Variants in ENOX1 observed in about 807,000 individuals in gnomAD.
ENOX1 encodes ecto-NOX disulfide-thiol exchanger 1, also known as candidate growth-related and time keeping constitutive hydroquinone (NADH) oxidase.
In ENOX1, 42 loss-of-function variants were observed where a neutral mutation model predicts 82.5. The observed-to-expected ratio is 0.51, with a 90% CI of 0.40 to 0.66. The LOEUF (loss-of-function observed/expected upper bound fraction) is 0.66, where lower values mean the gene tolerates loss of function less well. ENOX1 is among the 30% of genes least tolerant of loss of function. The pLI is 0.00. For synonymous variants in ENOX1, 271 were observed against 282.2 expected (o/e 0.96, Z 0.40); for missense variants, 608 against 811.6 (o/e 0.75, Z 3.05).
chr13:43,300,717 G>T (rs1360601081), intron 11 of ENOX1, among the ~76,000 whole-genome samples: 1 of 152,216 alleles, frequency 6.6e-6, no homozygotes, highest in Admixed American at 6.5e-5. Flanking sequence ...ACAGCGCTTG[G>T]AGTAGTGGAA....
chr13:43,744,766 T>C (rs1475149430), intron 1 of ENOX1, among the ~76,000 whole-genome samples: 1 of 152,204 alleles, frequency 6.6e-6, no homozygotes, highest in Non-Finnish European at 1.5e-5. Flanking sequence ...TTGCCAACAG[T>C]ACTATAGGGG....
chr13:43,362,172 C>CAA (rs1238069320), intron 5 of ENOX1, among the ~76,000 whole-genome samples: 7 of 150,550 alleles, frequency 4.6e-5, no homozygotes, highest in Admixed American at 1.3e-4. Flanking sequence ...CACACACACA[C>CAA]ACACACACAC....
chr13:43,636,069 AAG>A (rs1235843758), intron 2 of ENOX1, among the ~76,000 whole-genome samples: 1 of 152,112 alleles, frequency 6.6e-6, no homozygotes, highest in African/African-American at 2.4e-5. Context: ...CCAAATAACT[AAG>A]AGAGTTCTGT....
At chr13:43,467,446 T>A (rs2057780741) in intron 3 of ENOX1, among the ~76,000 whole-genome samples, 1 of 152,204 alleles carries the variant, frequency 6.6e-6, no homozygotes, top group Non-Finnish European at 1.5e-5. Context: ...GGGCTAATAA[T>A]GTTGGGCATT....
intron 11 of ENOX1, among the ~76,000 whole-genome samples, chr13:43,300,668 A>T (rs544552104): frequency 2.6e-5 from 4 of 152,312 alleles, no homozygotes; most frequent in Admixed American, 2.6e-4. Context: ...GAAGATGGGG[A>T]AGGTTAGGTT....
chr13:43,711,410 A>T (rs1176181261), intron 1 of ENOX1, among the ~76,000 whole-genome samples: 3 of 152,294 alleles, frequency 2.0e-5, no homozygotes, highest in Non-Finnish European at 2.9e-5. Flanking sequence ...TAGCAGCAAG[A>T]TGTATAATCC....
intron 5 of ENOX1, among the ~76,000 whole-genome samples, chr13:43,373,589 TACACAC>T (rs1480793349): frequency 2.0e-5 from 3 of 152,160 alleles, no homozygotes; most frequent in African/African-American, 7.2e-5. Flanking sequence ...CACATACACA[TACACAC>T]ACGTGTGCAT....
At chr13:43,713,558 TG>T (rs932894231) in intron 1 of ENOX1, among the ~76,000 whole-genome samples, 5 of 152,206 alleles carry the variant, frequency 3.3e-5, no homozygotes, top group Non-Finnish European at 5.9e-5. Context: ...TCTTTTTGGT[TG>T]GCAAGCTATT....
At chr13:43,287,606 T>C (rs1474379303) in intron 12 of ENOX1, among the ~76,000 whole-genome samples, 1 of 152,168 alleles carries the variant, frequency 6.6e-6, no homozygotes, top group Non-Finnish European at 1.5e-5. Flanking sequence ...TTCATGCCCT[T>C]AGGTGGCATC....
intron 2 of ENOX1, among the ~76,000 whole-genome samples, chr13:43,649,927 G>C (rs2084078671): frequency 6.6e-6 from 1 of 152,164 alleles, no homozygotes; most frequent in Admixed American, 6.5e-5. Flanking sequence ...AGGATTCCCT[G>C]ACAGTCAGAC....
At chr13:43,611,634 A>T (rs1422070230) in intron 2 of ENOX1, among the ~76,000 whole-genome samples, 3 of 152,220 alleles carry the variant, frequency 2.0e-5, no homozygotes, top group African/African-American at 7.2e-5. Flanking sequence ...TGCAGCATGT[A>T]ATTTAGGTAA....
At chr13:43,772,347 T>A (rs1951683043) in intron 1 of ENOX1, among the ~76,000 whole-genome samples, 1 of 152,102 alleles carries the variant, frequency 6.6e-6, no homozygotes, top group Non-Finnish European at 1.5e-5. Context: ...TTAAAGATGC[T>A]TCCCCAAAAA....
At chr13:43,759,078 C>T (rs1950813322) in intron 1 of ENOX1, among the ~76,000 whole-genome samples, 1 of 148,932 alleles carries the variant, frequency 6.7e-6, no homozygotes. Flanking sequence ...AAAACCTGGC[C>T]CCTGGAACTG....
chr13:43,623,474 A>T (rs1195994595), intron 2 of ENOX1, among the ~76,000 whole-genome samples: 1 of 152,156 alleles, frequency 6.6e-6, no homozygotes, highest in Non-Finnish European at 1.5e-5. Context: ...AAACTGACTC[A>T]GCTCCAGGTA....
intron 2 of ENOX1, among the ~76,000 whole-genome samples, chr13:43,530,160 C>T (rs1342366458): frequency 6.6e-6 from 1 of 152,084 alleles, no homozygotes; most frequent in Non-Finnish European, 1.5e-5. Flanking sequence ...CAAACAATAC[C>T]TATCAACTTT....
At chr13:43,588,527 C>G (rs1318756625) in intron 2 of ENOX1, among the ~76,000 whole-genome samples, 2 of 152,144 alleles carry the variant, frequency 1.3e-5, no homozygotes, top group Non-Finnish European at 2.9e-5. Flanking sequence ...CCAGTATGAT[C>G]TCTAAAATAC....
chr13:43,506,252 CCAT>C (rs1442918432), intron 2 of ENOX1, among the ~76,000 whole-genome samples: 1 of 151,842 alleles, frequency 6.6e-6, no homozygotes, highest in Non-Finnish European at 1.5e-5. Flanking sequence ...TCATTACTGG[CCAT>C]CAGAGAAATG....
intron 6 of ENOX1, among the ~76,000 whole-genome samples, chr13:43,360,404 T>C (rs2050422832): frequency 6.6e-6 from 1 of 152,106 alleles, no homozygotes; most frequent in South Asian, 2.1e-4. Flanking sequence ...AATGACAACA[T>C]GATGAAAAAC....
intron 15 of ENOX1, among the ~76,000 whole-genome samples, chr13:43,236,230 G>A (rs1566301568): frequency 6.6e-6 from 1 of 152,174 alleles, no homozygotes; most frequent in South Asian, 2.1e-4. Context: ...ACTTTAGGAT[G>A]TGGCCTCTGC....
Sources: allele counts gnomAD v4.1 joint callset (sites outside exome capture counted in the v4.1 genomes callset), GRCh38; gene constraint gnomAD v4.1.1; transcripts MANE v1.5; gene names NCBI Gene and HGNC (gene_info 2026-07-23, HGNC 2026-07-21).